Variants in CHN1 observed in about 807,000 individuals in gnomAD.
CHN1 encodes chimerin 1, also known as N-chimaerin.
CHN1 carries 37 observed loss-of-function variants against 59.5 expected under a neutral mutation model. That is an observed-to-expected ratio of 0.62 (90% CI 0.48 to 0.82). The LOEUF is 0.82. CHN1 is among the 40% of genes least tolerant of loss of function. The pLI, the probability that CHN1 is intolerant of heterozygous loss-of-function variation, is 0.00. For synonymous variants in CHN1, 206 were observed against 200.4 expected, an observed-to-expected ratio of 1.03 and a Z score of -0.24; for missense variants, 469 against 571.0, an observed-to-expected ratio of 0.82 and a Z score of 1.82.
chr2:174,952,352 T>C (rs947896078), intron 1 of CHN1, 150 bp from the exon 2 acceptor site: 25 of 444,098 alleles, frequency 5.6e-5, no homozygotes, highest in African/African-American at 1.8e-4. Context: ...GGTTTTTTTT[T>C]AGTCTTGGTC....
At chr2:174,957,612 C>T (rs749326826) in intron 1 of CHN1, among the ~76,000 whole-genome samples, 1 of 152,024 alleles carries the variant, frequency 6.6e-6, no homozygotes, top group South Asian at 2.1e-4. Flanking sequence ...AGGAGTATGA[C>T]GTGGAGCGAG....
At chr2:174,921,767 T>C (rs1354054395) in intron 3 of CHN1, among the ~76,000 whole-genome samples, 4 of 152,254 alleles carry the variant, frequency 2.6e-5, no homozygotes, top group Non-Finnish European at 4.4e-5. Context: ...AAGCCCCTTA[T>C]AAAACCATCA....
intron 6 of CHN1, among the ~76,000 whole-genome samples, chr2:174,865,762 AAACCTGT>A (rs1290168434): frequency 1.3e-5 from 2 of 152,222 alleles, no homozygotes; most frequent in Non-Finnish European, 2.9e-5. Context: ...GTCTATACTT[AAACCTGT>A]ATGTGTTCAG....
At chr2:174,811,438 C>A in intron 10 of CHN1, 73 bp downstream of exon 10, 2 of 971,788 alleles carry the variant, frequency 2.1e-6, no homozygotes, top group South Asian at 3.3e-5. Flanking sequence ...GCAAAAAATA[C>A]CTCACAAGAA....
At chr2:174,976,554 G>A (rs1248293107) in intron 1 of CHN1, among the ~76,000 whole-genome samples, 1 of 152,094 alleles carries the variant, frequency 6.6e-6, no homozygotes, top group Non-Finnish European at 1.5e-5. Context: ...GGTTTTGCTT[G>A]CACTTGCCCT....
intron 5 of CHN1, among the ~76,000 whole-genome samples, chr2:174,882,787 T>A (rs758807433): frequency 7.9e-5 from 12 of 152,166 alleles, no homozygotes; most frequent in Non-Finnish European, 1.6e-4. Context: ...TATACATTCA[T>A]TCAATCATAA....
chr2:174,833,176 C>T (rs1685938891), intron 7 of CHN1, among the ~76,000 whole-genome samples: 1 of 152,130 alleles, frequency 6.6e-6, no homozygotes, highest in Admixed American at 6.5e-5. Flanking sequence ...GTCTTCTATA[C>T]TCTTACTAAT....
At chr2:174,860,843 T>G (rs1687047469) in intron 6 of CHN1, among the ~76,000 whole-genome samples, 1 of 152,014 alleles carries the variant, frequency 6.6e-6, no homozygotes, top group African/African-American at 2.4e-5. Context: ...CTTCTACACC[T>G]CTCTCCATCC....
At chr2:174,995,098 T>C (rs1442173497) in intron 1 of CHN1, among the ~76,000 whole-genome samples, 3 of 152,254 alleles carry the variant, frequency 2.0e-5, no homozygotes, top group South Asian at 2.1e-4. Flanking sequence ...TATTGTTATA[T>C]GTTTATTCTT....
intron 1 of CHN1, among the ~76,000 whole-genome samples, chr2:174,964,976 A>G (rs1240538813): frequency 1.3e-5 from 2 of 152,168 alleles, no homozygotes; most frequent in Non-Finnish European, 2.9e-5. Flanking sequence ...TTGTCAGGAC[A>G]TTCACTTTTC....
chr2:174,948,196 A>G (rs1689902636), intron 2 of CHN1, among the ~76,000 whole-genome samples: 1 of 151,994 alleles, frequency 6.6e-6, no homozygotes, highest in African/African-American at 2.4e-5. Flanking sequence ...TAGGTTTTTA[A>G]CATTAAAAAA....
At chr2:174,831,042 A>T (rs953574283) in intron 7 of CHN1, among the ~76,000 whole-genome samples, 1 of 152,240 alleles carries the variant, frequency 6.6e-6, no homozygotes, top group African/African-American at 2.4e-5. Flanking sequence ...AACTACAGGG[A>T]AAAGCTGGTA....
chr2:175,001,200 C>T (rs1691878501), intron 1 of CHN1, among the ~76,000 whole-genome samples: 1 of 152,210 alleles, frequency 6.6e-6, no homozygotes, highest in Non-Finnish European at 1.5e-5. Context: ...GATGAGCTCA[C>T]ACCACTGGGC....
At position 174,955,112 on chromosome 2, in the gene CHN1, T is replaced by C. The variant is rs190649405; in HGVS notation, c.20-2910A>G. Reference sequence around the variant, plus strand: ...CTATATATCTATATATATAGATCTATAGATCTATAGATCTAATATAGATCT... The same window carrying C: ...CTATATATCTATATATATAGATCTACAGATCTATAGATCTAATATAGATCT... On this transcript the variant is annotated intron_variant, in intron 1 of 12. Coordinates refer to ENST00000409900, the MANE Select transcript of CHN1 (RefSeq NM_001822.7). Among the ~76,000 whole-genome samples, 103 of 148,864 alleles carry C rather than the reference T, an allele frequency of 6.9e-4. 2 individuals are homozygous for C. The highest frequency in any genetic ancestry group is 3.5e-3 in the Middle Eastern group (1 of 282).
At chr2:174,953,028 G>GC (rs1574205739) in intron 1 of CHN1, among the ~76,000 whole-genome samples, 1 of 152,148 alleles carries the variant, frequency 6.6e-6, no homozygotes, top group East Asian at 1.9e-4. Flanking sequence ...AGCTCTGCCT[G>GC]CAAGACTATA....
chr2:174,809,099 A>C, intron 10 of CHN1, 57 bp from the exon 11 acceptor site: 1 of 1,440,386 alleles, frequency 6.9e-7, no homozygotes, highest in Non-Finnish European at 9.5e-7. Flanking sequence ...GCACTGTTTT[A>C]ATGAATGACA....
At chr2:174,928,292 G>T (rs907950332) in intron 3 of CHN1, among the ~76,000 whole-genome samples, 1 of 152,122 alleles carries the variant, frequency 6.6e-6, no homozygotes, top group Non-Finnish European at 1.5e-5. Context: ...GTCAAAATTA[G>T]AATTGAATAA....
intron 11 of CHN1, among the ~76,000 whole-genome samples, chr2:174,803,537 C>T (rs1386839039): frequency 6.6e-6 from 1 of 152,206 alleles, no homozygotes; most frequent in East Asian, 1.9e-4. Flanking sequence ...AAGACGAATA[C>T]TCCACTTACT....
intron 8 of CHN1, among the ~76,000 whole-genome samples, chr2:174,817,218 G>C (rs187826918): frequency 1.8e-4 from 27 of 152,126 alleles, no homozygotes; most frequent in African/African-American, 5.5e-4. Flanking sequence ...GTATAGACTT[G>C]AGTTTAAAAA....
Sources: allele counts gnomAD v4.1 joint callset (sites outside exome capture counted in the v4.1 genomes callset), GRCh38; gene constraint gnomAD v4.1.1; transcripts MANE v1.5; gene names NCBI Gene and HGNC (gene_info 2026-07-23, HGNC 2026-07-21).